Variants in TRAF3 observed in about 807,000 individuals in gnomAD.
The protein encoded by TRAF3 is TNF receptor-associated factor 3.
A neutral mutation model predicts 62.3 loss-of-function variants in TRAF3; 13 were observed. That is an observed-to-expected ratio of 0.21 (90% confidence interval 0.14 to 0.33). TRAF3 has a LOEUF of 0.33. Among genes scored for constraint, TRAF3 ranks in the 10% least tolerant of loss-of-function variants. The probability of loss-of-function intolerance (pLI) is 1.00; values close to 1 mark genes in which losing one functional copy is unlikely to be tolerated. For synonymous variants in TRAF3, 269 were observed against 283.4 expected, an observed-to-expected ratio of 0.95 and a Z score of 0.51; for missense variants, 440 against 741.8, an observed-to-expected ratio of 0.59 and a Z score of 4.73.
chr14:102,866,850 AACACACACACACAC>A (rs538121314), intron 2 of TRAF3, among the ~76,000 whole-genome samples: 1,947 of 132,264 alleles, frequency 0.015, 50 homozygotes, highest in African/African-American at 0.06. Flanking sequence ...ATCTCTTGAA[AACACACACACACAC>A]ACACACACAC....
At chr14:102,784,923 C>T (rs1207327809) in intron 1 of TRAF3, among the ~76,000 whole-genome samples, 1 of 152,124 alleles carries the variant, frequency 6.6e-6, no homozygotes, top group Non-Finnish European at 1.5e-5. Flanking sequence ...GGCTGTCCTT[C>T]AGGGGAGAGG....
At position 102,826,910 on chromosome 14, in the gene TRAF3, T is replaced by G. The variant is rs1374504188; in HGVS notation, c.-156-3424T>G. On this transcript the variant is annotated intron_variant, in intron 1 of 11. Transcript: ENST00000392745. This position sits in a 1 kb window ranked among gnomAD's most constrained non-coding sequence, Gnocchi z 4.6. ...TCCATGCCCTGGTGCCTCCCCGTGG[T>G]CACCATGTGCCTTGGGCAAATGGAG... 6.6e-6 allele frequency among the ~76,000 whole-genome samples: 1 copy of G among 152,104 alleles called. No individual in the cohort carries two copies. Among genetic ancestry groups the G allele is most frequent in the East Asian group, 1.9e-4 (1 of 5,184 alleles).
At chr14:102,818,690 C>G (rs1251172707) in intron 1 of TRAF3, among the ~76,000 whole-genome samples, 5 of 152,202 alleles carry the variant, frequency 3.3e-5, no homozygotes, top group Non-Finnish European at 7.3e-5. Flanking sequence ...TTCTTAGATT[C>G]CACATATAAA....
At position 102,907,345 on chromosome 14, in the gene TRAF3, T is replaced by C. The variant is rs1890634009; in HGVS notation, c.*1561T>C. On this transcript the variant is annotated 3_prime_UTR_variant, in exon 12 of 12. Transcript: ENST00000392745. Reference sequence around the variant, plus strand: ...GCGGGAAGGGTGGCCACGGGGCCCGTCGTCCCAGCCTGTGCCTGCCCAGAT... The same window carrying C: ...GCGGGAAGGGTGGCCACGGGGCCCGCCGTCCCAGCCTGTGCCTGCCCAGAT... 1 of 152,242 alleles carries C rather than the reference T, an allele frequency of 6.6e-6. No homozygotes were observed. Among genetic ancestry groups the C allele is most frequent in the Non-Finnish European group, 1.5e-5 (1 of 68,056 alleles). 9.4% of individuals were successfully genotyped at this position (152,242 alleles called of 1,614,324 possible). A position where few individuals can be genotyped will look rare whatever the true frequency, so the allele number is the denominator to read the frequency against.
intron 1 of TRAF3, among the ~76,000 whole-genome samples, chr14:102,824,612 G>C (rs1389264140): frequency 6.6e-6 from 1 of 152,198 alleles, no homozygotes; most frequent in Non-Finnish European, 1.5e-5. Context: ...CAGATAGTAG[G>C]GTTGCCCTTT....
At chr14:102,790,491 A>G (rs1897733577) in intron 1 of TRAF3, among the ~76,000 whole-genome samples, 1 of 152,236 alleles carries the variant, frequency 6.6e-6, no homozygotes, top group Admixed American at 6.5e-5. Context: ...ATTGTTTCAC[A>G]TGGCTGGGGA....
intron 2 of TRAF3, among the ~76,000 whole-genome samples, chr14:102,862,780 CT>C (rs1171523527): frequency 1.3e-5 from 2 of 151,986 alleles, no homozygotes; most frequent in African/African-American, 2.4e-5. Context: ...GTCTCTGAGG[CT>C]GTTTATTTTC....
intron 2 of TRAF3, among the ~76,000 whole-genome samples, chr14:102,863,968 C>A (rs1887826783): frequency 6.6e-6 from 1 of 152,114 alleles, no homozygotes; most frequent in South Asian, 2.1e-4. Context: ...AGCCTCTTGT[C>A]TTCTAGGCCA....
chr14:102,816,016 G>A (rs1409941824), intron 1 of TRAF3, among the ~76,000 whole-genome samples: 4 of 152,024 alleles, frequency 2.6e-5, no homozygotes, highest in South Asian at 2.1e-4. Context: ...CCATTGAATG[G>A]TCTTGGTGCC....
intron 2 of TRAF3, among the ~76,000 whole-genome samples, chr14:102,868,200 A>G (rs1014098027): frequency 2.0e-5 from 3 of 152,238 alleles, no homozygotes; most frequent in Admixed American, 6.5e-5. Context: ...TGTGAAAGAA[A>G]CTTCCTCTGT....
At chr14:102,888,145 A>G (rs564353445) in intron 7 of TRAF3, among the ~76,000 whole-genome samples, 2 of 152,208 alleles carry the variant, frequency 1.3e-5, no homozygotes, top group Non-Finnish European at 2.9e-5. Flanking sequence ...TAGCGTTGAC[A>G]CTCAGGTTTG....
In TRAF3 at chr14:102,795,619, T is replaced by TGTGCGC. The variant is rs767401587; in HGVS notation, c.-157+17945_-157+17946insTGCGCG. 5.3e-5 allele frequency among the ~76,000 whole-genome samples: 8 copies of TGTGCGC among 151,966 alleles called. 2 individuals carry two copies. Among genetic ancestry groups the TGTGCGC allele is most frequent in the African/African-American group, 1.7e-4 (7 of 41,446 alleles). On this transcript the variant is annotated intron_variant, in intron 1 of 11. Transcript: ENST00000392745. ...ATATATGTGTGTGTGTGTGTGTGTGTGCATAGTTTTCATCCATTGTTTCTG... is the reference window on the plus strand; with the variant it reads ...ATATATGTGTGTGTGTGTGTGTGTGTGTGCGCGCATAGTTTTCATCCATTGTTTCTG...
Position 102,895,106 on chromosome 14 carries a change from C to T in TRAF3, c.820-2155C>T, listed in dbSNP as rs969511851. ...GAATAAAGAGTCTGAGAATTCTGTCCCGTCTTTGACAGATGGAAATGAATG... is the reference window on the plus strand; with the variant it reads ...GAATAAAGAGTCTGAGAATTCTGTCTCGTCTTTGACAGATGGAAATGAATG... On this transcript the variant is annotated intron_variant, in intron 9 of 11. Coordinates refer to ENST00000392745, the MANE Select transcript of TRAF3 (RefSeq NM_145725.3). 27 of 455,772 alleles carry T rather than the reference C, an allele frequency of 5.9e-5. No individual in the cohort carries two copies. The Admixed American group carries it at 6.1e-4, about 10-fold the overall frequency. The allele number at this position is 455,772 out of a possible 1,614,324, so 28.2% of individuals were successfully genotyped here.
intron 4 of TRAF3, among the ~76,000 whole-genome samples, chr14:102,873,772 T>TA (rs1888481981): frequency 6.6e-6 from 1 of 152,048 alleles, no homozygotes; most frequent in Admixed American, 6.6e-5. Flanking sequence ...CTTTTTTTTT[T>TA]AGTCATGTTT....
intron 1 of TRAF3, among the ~76,000 whole-genome samples, chr14:102,800,382 G>A (rs936124627): frequency 1.3e-5 from 2 of 152,202 alleles, no homozygotes; most frequent in African/African-American, 2.4e-5. Flanking sequence ...GAGAAGCACC[G>A]TGCAGGCTTT....
chr14:102,811,734 TG>T (rs1379371346), intron 1 of TRAF3, among the ~76,000 whole-genome samples: 2 of 36,572 alleles, frequency 5.5e-5, no homozygotes, highest in Non-Finnish European at 1.3e-4. Flanking sequence ...CAGTAGTGTG[TG>T]TGTGTGTGTG....
intron 10 of TRAF3, among the ~76,000 whole-genome samples, chr14:102,900,231 G>A (rs1253971002): frequency 7.3e-6 from 1 of 136,672 alleles, no homozygotes; most frequent in African/African-American, 2.9e-5. Flanking sequence ...GGCCGGACAC[G>A]GTGGCTCACA....
chr14:102,885,404 G>A (rs1203682890), intron 6 of TRAF3, among the ~76,000 whole-genome samples: 1 of 152,160 alleles, frequency 6.6e-6, no homozygotes, highest in African/African-American at 2.4e-5. Flanking sequence ...GCTCAGCAGG[G>A]ACTGTTCAGC....
At chr14:102,886,141 G>C (rs1288162842) in intron 6 of TRAF3, 48 bp from the exon 7 acceptor site, 3 of 1,599,980 alleles carry the variant, frequency 1.9e-6, no homozygotes, top group African/African-American at 2.7e-5. Flanking sequence ...GGGACTGAAG[G>C]AAGACAGGTT....
Sources: allele counts gnomAD v4.1 joint callset (sites outside exome capture counted in the v4.1 genomes callset), GRCh38; gene constraint gnomAD v4.1.1; non-coding constraint Gnocchi (gnomAD v3.1); transcripts MANE v1.5; gene names NCBI Gene and HGNC (gene_info 2026-07-23, HGNC 2026-07-21).